TPRG1: variants seen among roughly 807,000 people sequenced by gnomAD.
TPRG1 encodes tumor protein p63-regulated gene 1 protein.
In TPRG1, 29 loss-of-function variants were observed where a neutral mutation model predicts 29.3. The ratio of observed to expected loss-of-function variants is 0.99; its 90% confidence interval spans 0.74 to 1.35. TPRG1 has a LOEUF of 1.35. TPRG1 is among the 40% of genes most tolerant of loss of function. TPRG1 has a pLI of 0.00. For missense variants in TPRG1, 327 were observed against 335.0 expected, an observed-to-expected ratio of 0.98 and a Z score of 0.19; for synonymous variants, 130 against 116.8, an observed-to-expected ratio of 1.11 and a Z score of -0.73.
chr3:189,298,911 G>A (rs1720379687), intron 4 of TPRG1, among the ~76,000 whole-genome samples: 1 of 152,078 alleles, frequency 6.6e-6, no homozygotes, highest in Non-Finnish European at 1.5e-5. Context: ...CCACCCTCTC[G>A]GGCAGACCCA....
At position 189,323,434 on chromosome 3, in the gene TPRG1, T is replaced by G. The variant is rs1724482050; in HGVS notation, c.*2614T>G. The G allele has an allele frequency of 6.6e-6, 1 of 152,124 alleles. No homozygotes were observed. Among genetic ancestry groups the G allele is most frequent in the African/African-American group, 2.4e-5 (1 of 41,438 alleles). The allele number at this position is 152,124 out of a possible 1,614,324, so 9.4% of individuals were successfully genotyped here. A position where few individuals can be genotyped will look rare whatever the true frequency, so the allele number is the denominator to read the frequency against. ...TTATTTCATAAAGATCTTGTGAGGA[T>G]TCAATGAAATGAGGTTAAATTCTTT... On this transcript the variant is annotated 3_prime_UTR_variant, in exon 6 of 6. Coordinates refer to ENST00000345063, the MANE Select transcript of TPRG1 (RefSeq NM_198485.4).
At chr3:189,275,956 G>A (rs1162255367) in intron 4 of TPRG1, among the ~76,000 whole-genome samples, 1 of 152,074 alleles carries the variant, frequency 6.6e-6, no homozygotes, top group Non-Finnish European at 1.5e-5. Flanking sequence ...AGTATTGTAG[G>A]GATATCTTGT....
chr3:189,142,222 G>C (rs1724669150), intron 3 of TPRG1, among the ~76,000 whole-genome samples: 1 of 152,164 alleles, frequency 6.6e-6, no homozygotes, highest in South Asian at 2.1e-4. Flanking sequence ...ATGCGAGGTG[G>C]TGGTGAGATG....
intron 1 of TPRG1, among the ~76,000 whole-genome samples, chr3:189,111,625 T>C (rs1264703034): frequency 1.3e-5 from 2 of 152,152 alleles, no homozygotes; most frequent in Admixed American, 1.3e-4. Flanking sequence ...CTTATGATAT[T>C]TTTTATTAAA....
At chr3:189,068,971 G>T (rs1005794519) in intron 4 of TPRG1, among the ~76,000 whole-genome samples, 12 of 152,108 alleles carry the variant, frequency 7.9e-5, no homozygotes, top group Non-Finnish European at 1.6e-4. Flanking sequence ...ATTCATGAAG[G>T]TAGAGAGTAG....
chr3:189,162,935 G>A (rs1727672313), intron 5 of TPRG1, among the ~76,000 whole-genome samples: 1 of 152,198 alleles, frequency 6.6e-6, no homozygotes, highest in Admixed American at 6.5e-5. Flanking sequence ...ATAAGTATTT[G>A]TTAAATAATT....
At chr3:189,086,509 G>A (rs1717948573) in intron 4 of TPRG1, among the ~76,000 whole-genome samples, 1 of 151,032 alleles carries the variant, frequency 6.6e-6, no homozygotes, top group African/African-American at 2.4e-5. Context: ...GCAGGCATGT[G>A]CCACCACACC....
intron 3 of TPRG1, among the ~76,000 whole-genome samples, chr3:189,008,204 A>G (rs757555621): frequency 2.0e-5 from 3 of 152,080 alleles, no homozygotes; most frequent in Non-Finnish European, 2.9e-5. Context: ...AGAGGGGCCA[A>G]TGGGGTGAGC....
chr3:189,148,572 G>A (rs1174169377), intron 4 of TPRG1, among the ~76,000 whole-genome samples: 2 of 152,166 alleles, frequency 1.3e-5, no homozygotes, highest in African/African-American at 4.8e-5. Context: ...TGTTAGTTCA[G>A]CCTGGCTGGT....
At chr3:189,250,590 T>C (rs1343516576) in intron 4 of TPRG1, among the ~76,000 whole-genome samples, 1 of 146,218 alleles carries the variant, frequency 6.8e-6, no homozygotes, top group Non-Finnish European at 1.5e-5. Flanking sequence ...TCTAACTTAT[T>C]TGGCCCTTCT....
At chr3:189,295,971 T>C (rs941699344) in intron 4 of TPRG1, among the ~76,000 whole-genome samples, 2 of 151,142 alleles carry the variant, frequency 1.3e-5, no homozygotes, top group African/African-American at 4.9e-5. Context: ...AGGATAGGAG[T>C]TTGCGTTTTT....
At chr3:189,247,289 C>G (rs2108985001) in intron 4 of TPRG1, among the ~76,000 whole-genome samples, 1 of 151,796 alleles carries the variant, frequency 6.6e-6, no homozygotes, top group South Asian at 2.1e-4. Flanking sequence ...ATACCTTTTT[C>G]TTTTAAAATA....
chr3:189,316,823 G>A (rs1431795426), intron 5 of TPRG1, among the ~76,000 whole-genome samples: 1 of 152,138 alleles, frequency 6.6e-6, no homozygotes, highest in Non-Finnish European at 1.5e-5. Flanking sequence ...TGTGGCTGGT[G>A]GCATTCATAT....
At chr3:189,112,030 G>A (rs1720588660) in intron 1 of TPRG1, among the ~76,000 whole-genome samples, 1 of 152,008 alleles carries the variant, frequency 6.6e-6, no homozygotes, top group Admixed American at 6.6e-5. Context: ...TTATGTCAAA[G>A]GCTTTCTTTG....
chr3:189,265,564 A>G (rs1713909208), intron 4 of TPRG1, among the ~76,000 whole-genome samples: 1 of 152,136 alleles, frequency 6.6e-6, no homozygotes, highest in South Asian at 2.1e-4. Context: ...GAAGCCACAC[A>G]CCTATCTGAA....
At position 189,113,062 on chromosome 3, in the gene TPRG1, T is replaced by A. The variant is rs374475308; in HGVS notation, c.-744+12858T>A. Among the ~76,000 whole-genome samples the A allele has an allele frequency of 1.3e-4, 20 of 152,278 alleles. No individual in the cohort carries two copies. In the East Asian group the frequency reaches 2.1e-3, roughly 16 times the overall value. ...CCTCTTTTATTTCCTTGAGCAGTGG[T>A]TTGTAGTTCTCCTTGAAGAGGTCCT... On this transcript the variant is annotated intron_variant, in intron 1 of 6. Coordinates refer to the TPRG1 transcript ENST00000412373.
At chr3:189,069,157 C>T (rs1716654384) in intron 4 of TPRG1, among the ~76,000 whole-genome samples, 1 of 152,186 alleles carries the variant, frequency 6.6e-6, no homozygotes, top group African/African-American at 2.4e-5. Context: ...TCATGAATTA[C>T]TGCTCAGCAA....
chr3:189,291,051 A>G (rs190449438), intron 4 of TPRG1, among the ~76,000 whole-genome samples: 366 of 151,982 alleles, frequency 2.4e-3, no homozygotes, highest in African/African-American at 8.3e-3. Context: ...ACAGGGGCCC[A>G]CCACCACACC....
intron 1 of TPRG1, among the ~76,000 whole-genome samples, chr3:188,999,947 A>G (rs1711951994): frequency 6.6e-6 from 1 of 152,136 alleles, no homozygotes. Context: ...ATGATTTAAG[A>G]GTTTTGATAC....
Sources: gnomAD v4.1 joint callset for allele counts (sites outside exome capture counted in the v4.1 genomes callset) on GRCh38, gnomAD v4.1.1 for gene constraint, MANE v1.5 for transcripts, NCBI Gene and HGNC (gene_info 2026-07-23, HGNC 2026-07-21) for gene names.